ALG9: variants seen among roughly 807,000 people sequenced by gnomAD.
ALG9 encodes alpha-1,2-mannosyltransferase ALG9.
A neutral mutation model predicts 81.8 loss-of-function variants in ALG9; 55 were observed. That is an observed-to-expected ratio of 0.67 (90% confidence interval 0.54 to 0.84). The LOEUF is 0.84. Ranked by LOEUF, ALG9 falls within the 40% of genes least tolerant of loss-of-function variation. The probability of loss-of-function intolerance (pLI) is 0.00; values close to 1 mark genes in which losing one functional copy is unlikely to be tolerated. For missense variants in ALG9, 629 were observed against 745.0 expected, an observed-to-expected ratio of 0.84 and a Z score of 1.81; for synonymous variants, 278 against 274.3, an observed-to-expected ratio of 1.01 and a Z score of -0.13.
At chr11:111,833,955 A>G (rs1954803572) in intron 13 of ALG9, among the ~76,000 whole-genome samples, 1 of 152,232 alleles carries the variant, frequency 6.6e-6, no homozygotes, top group African/African-American at 2.4e-5. Flanking sequence ...TCTCAACATC[A>G]TTACCACAAT....
chr11:111,776,072 G>T, the ALG9 span, among the ~76,000 whole-genome samples: 1 of 152,098 alleles, frequency 6.6e-6, no homozygotes, highest in Non-Finnish European at 1.5e-5. Flanking sequence ...CATTCCTGAC[G>T]TAAGTGGGGC....
At chr11:111,801,320 T>C (rs1344130950) in intron 14 of ALG9, among the ~76,000 whole-genome samples, 4 of 152,216 alleles carry the variant, frequency 2.6e-5, no homozygotes, top group African/African-American at 4.8e-5. Flanking sequence ...TCATATGTCA[T>C]GGTGCTGACA....
the ALG9 span, among the ~76,000 whole-genome samples, chr11:111,772,113 A>T: frequency 6.6e-6 from 1 of 152,224 alleles, no homozygotes; most frequent in African/African-American, 2.4e-5. Flanking sequence ...ATTCTTGGGA[A>T]GAGCAAATCA....
At chr11:111,814,663 AT>A (rs1951216508) in intron 13 of ALG9, 1 of 152,162 alleles carries the variant, frequency 6.6e-6, no homozygotes, top group African/African-American at 2.4e-5. Context: ...TCCCAGCATT[AT>A]TTATATGTAA....
chr11:111,853,844 T>C (rs1028863579), intron 6 of ALG9, 108 bp from the exon 7 acceptor site: 2 of 1,023,688 alleles, frequency 2.0e-6, no homozygotes, highest in Non-Finnish European at 3.1e-6. Context: ...CTGCCAGTTA[T>C]AGTGAGGGAA....
intron 14 of ALG9, among the ~76,000 whole-genome samples, chr11:111,806,619 C>G (rs1555085562): frequency 1.3e-5 from 2 of 152,102 alleles, no homozygotes. Context: ...TCATCTCGTC[C>G]CTAACTTCAT....
chr11:111,773,510 G>A, the ALG9 span, among the ~76,000 whole-genome samples: 6 of 152,052 alleles, frequency 3.9e-5, no homozygotes, highest in African/African-American at 1.2e-4. Context: ...CTCCCAAAGT[G>A]CTGGGATTAT....
At chr11:111,870,964 G>C (rs981521200) in intron 1 of ALG9, 1 of 1,016,376 alleles carries the variant, frequency 9.8e-7, no homozygotes, top group Admixed American at 6.0e-5. Context: ...GGTTTGGGAA[G>C]AGGTGATGGC....
chr11:111,788,269 T>TA (rs1158919328), intron 14 of ALG9, among the ~76,000 whole-genome samples: 2 of 152,152 alleles, frequency 1.3e-5, no homozygotes, highest in African/African-American at 4.8e-5. Flanking sequence ...GCACACCTCT[T>TA]AGAGATTCTT....
downstream of ALG9, among the ~76,000 whole-genome samples, chr11:111,777,461 TAGG>T (rs1205385226): frequency 4.6e-5 from 7 of 152,178 alleles, no homozygotes; most frequent in Non-Finnish European, 8.8e-5. Context: ...TTAGTGAGAA[TAGG>T]ATGCCCTCTG....
intron 13 of ALG9, among the ~76,000 whole-genome samples, chr11:111,822,488 G>A (rs782142677): frequency 4.8e-4 from 72 of 150,706 alleles, no homozygotes; most frequent in Non-Finnish European, 9.9e-4. Context: ...AAGGTGGGCA[G>A]ACTGCTTGAG....
Position 111,844,797 on chromosome 11 carries a change from T to G in ALG9, c.896-74A>C, listed in dbSNP as rs1555127577. On this transcript the variant is annotated intron_variant, in intron 8 of 14. Transcript: ENST00000616540. ...CTATTACGGTGCTTGACATATAATG[T>G]TCTTTGTTGGAATAACACTGATGAT... The G allele has an allele frequency of 4.6e-6, 7 of 1,520,654 alleles. No homozygotes were observed. The East Asian group carries it at 1.6e-4, about 35-fold the overall frequency. The allele number at this position is 1,520,654 out of a possible 1,614,324, so 94.2% of individuals were successfully genotyped here.
intron 13 of ALG9, among the ~76,000 whole-genome samples, chr11:111,820,928 AC>A (rs1555102877): frequency 1.3e-5 from 2 of 149,568 alleles, no homozygotes; most frequent in Non-Finnish European, 3.0e-5. Flanking sequence ...GCGCACACAC[AC>A]ACACACACAC....
intron 14 of ALG9, among the ~76,000 whole-genome samples, chr11:111,799,635 A>G (rs1333358462): frequency 1.3e-5 from 2 of 152,160 alleles, no homozygotes; most frequent in Non-Finnish European, 2.9e-5. Context: ...CAAAGAAAAT[A>G]TATCTATGTA....
intron 3 of ALG9, 63 bp downstream of exon 3, chr11:111,868,539 A>G (rs1301316636): frequency 1.9e-6 from 3 of 1,560,224 alleles, no homozygotes; most frequent in African/African-American, 1.4e-5. Flanking sequence ...CCTTTTCTCA[A>G]AACTATACCA....
Position 111,837,488 on chromosome 11 carries a change from G to C in ALG9, c.1452C>G (p.Ser484Arg). 1 of 1,614,188 alleles carries C rather than the reference G, an allele frequency of 6.2e-7. No individual in the cohort carries two copies. Among genetic ancestry groups the C allele is most frequent in the Non-Finnish European group, 8.5e-7 (1 of 1,180,036 alleles). The change falls in exon 12 of 15, where the codon AGC becomes AGG. Residue 484 changes from serine to arginine, a missense_variant. Ser to Arg is a moderately radical substitution (Grantham distance 110). Transcript: ENST00000616540. ...CTTACTTGTCAGGAAGAAGGAAGCT[G>C]CTGGGAAATCGATACCACTCTTTTC... ...CVGKEWYRFP[S>R]SFLLPDNWQL... is the part of the protein sequence containing the mutation.
At position 111,871,347 on chromosome 11, in the gene ALG9, C is replaced by G; in HGVS notation, c.131+5G>C. 6.6e-7 allele frequency: 1 copy of G among 1,520,610 alleles called. No homozygotes were observed. The allele number at this position is 1,520,610 out of a possible 1,614,324, so 94.2% of individuals were successfully genotyped here. On this transcript the variant is annotated splice_donor_5th_base_variant and intron_variant, in intron 1 of 14. Coordinates refer to ENST00000616540, the MANE Select transcript of ALG9 (RefSeq NM_024740.2). ...GGCCACGCCCCTGCCGCGCCGCACACGTACTCGGTCCGGTGCTCCGCGCCG... is the reference window on the plus strand; with the variant it reads ...GGCCACGCCCCTGCCGCGCCGCACAGGTACTCGGTCCGGTGCTCCGCGCCG...
At chr11:111,826,403 A>C (rs201506717) in intron 13 of ALG9, among the ~76,000 whole-genome samples, 9 of 145,916 alleles carry the variant, frequency 6.2e-5, no homozygotes, top group Middle Eastern at 6.9e-3. Flanking sequence ...AAAAAAAAAA[A>C]CAAAAAAAAA....
At position 111,792,504 on chromosome 11, in the gene ALG9, C is replaced by T. The variant is rs73568449; in HGVS notation, c.1734-5984G>A. Among the ~76,000 whole-genome samples, 1,478 of 152,332 alleles carry T rather than the reference C, an allele frequency of 9.7e-3. 39 individuals are homozygous for T. The highest frequency in any genetic ancestry group is 0.034 in the African/African-American group (1,418 of 41,572). ...AGGAACACAATGGTGGTTCCTCCTA[C>T]TCTCAATGAGGAATTCAAAGTCCAA... On this transcript the variant is annotated intron_variant, in intron 14 of 14. Coordinates refer to ENST00000616540, the MANE Select transcript of ALG9 (RefSeq NM_024740.2).
Sources: gnomAD v4.1 joint callset for allele counts (sites outside exome capture counted in the v4.1 genomes callset) on GRCh38, gnomAD v4.1.1 for gene constraint, MANE v1.5 for transcripts, NCBI Gene and HGNC (gene_info 2026-07-23, HGNC 2026-07-21) for gene names.